CSGALNACT1: variants seen among roughly 807,000 people sequenced by gnomAD.
CSGALNACT1 encodes beta4GalNAcT-1.
Under a neutral mutation model 51.0 loss-of-function variants are expected in CSGALNACT1, and 52 were observed. The observed-to-expected ratio is 1.02, with a 90% CI of 0.82 to 1.29. CSGALNACT1 has a LOEUF of 1.29. Ranked by LOEUF, CSGALNACT1 falls within the 50% of genes most tolerant of loss-of-function variation. The pLI, the probability that CSGALNACT1 is intolerant of heterozygous loss-of-function variation, is 0.00. For missense variants in CSGALNACT1, 935 were observed against 679.2 expected (o/e 1.38, Z -4.19); for synonymous variants, 341 against 254.4 (o/e 1.34, Z -3.24).
chr8:19,416,961 C>G (rs1358696405), intron 8 of CSGALNACT1, among the ~76,000 whole-genome samples: 1 of 151,978 alleles, frequency 6.6e-6, no homozygotes. Flanking sequence ...CTCCCAGGCT[C>G]AAGCGATTTT....
intron 3 of CSGALNACT1, among the ~76,000 whole-genome samples, chr8:19,588,682 T>C (rs2154130724): frequency 6.6e-6 from 1 of 152,284 alleles, no homozygotes; most frequent in Middle Eastern, 3.4e-3. Context: ...CAAATAAATA[T>C]CAAGTTAATT....
chr8:19,619,716 C>A (rs544805799), intron 1 of CSGALNACT1, among the ~76,000 whole-genome samples: 4 of 152,128 alleles, frequency 2.6e-5, no homozygotes, highest in African/African-American at 9.7e-5. Flanking sequence ...TGAACACATT[C>A]GTGTCACAAT....
chr8:19,445,121 C>A (rs934444309), intron 5 of CSGALNACT1, among the ~76,000 whole-genome samples: 6 of 152,140 alleles, frequency 3.9e-5, no homozygotes, highest in African/African-American at 1.4e-4. Flanking sequence ...TGTTTTGAAA[C>A]CAGGAGCTCC....
intron 4 of CSGALNACT1, among the ~76,000 whole-genome samples, chr8:19,494,048 G>A (rs991796171): frequency 3.3e-5 from 5 of 152,126 alleles, no homozygotes; most frequent in African/African-American, 4.8e-5. Context: ...ATCTAGCCAC[G>A]ACATTTAAAA....
At chr8:19,549,222 G>A (rs369934959) in intron 3 of CSGALNACT1, among the ~76,000 whole-genome samples, 73 of 151,618 alleles carry the variant, frequency 4.8e-4, no homozygotes, top group Middle Eastern at 6.8e-3. Context: ...CTCTCCCCTC[G>A]AAAATCCAAT....
At chr8:19,713,029 T>C (rs1425537867) in intron 1 of CSGALNACT1, among the ~76,000 whole-genome samples, 1 of 152,220 alleles carries the variant, frequency 6.6e-6, no homozygotes, top group Non-Finnish European at 1.5e-5. Flanking sequence ...TCTCTCTTCC[T>C]CCCATCTTTC....
At chr8:19,741,494 C>T (rs978287476) in intron 1 of CSGALNACT1, among the ~76,000 whole-genome samples, 10 of 140,922 alleles carry the variant, frequency 7.1e-5, no homozygotes, top group African/African-American at 2.4e-4. Flanking sequence ...AGCCGGGAAG[C>T]GGAGGTTGCA....
intron 6 of CSGALNACT1, among the ~76,000 whole-genome samples, chr8:19,430,823 G>A (rs932674604): frequency 6.6e-5 from 10 of 152,088 alleles, no homozygotes. Flanking sequence ...AACATGGGAT[G>A]TCTTTCCATT....
At chr8:19,616,652 G>A (rs1029089655) in intron 1 of CSGALNACT1, among the ~76,000 whole-genome samples, 3 of 152,074 alleles carry the variant, frequency 2.0e-5, no homozygotes, top group Admixed American at 6.5e-5. Flanking sequence ...AGATCTGGTT[G>A]TTTAAAAGTG....
At chr8:19,452,081 A>T (rs868103462) in intron 5 of CSGALNACT1, among the ~76,000 whole-genome samples, 1 of 152,232 alleles carries the variant, frequency 6.6e-6, no homozygotes, top group South Asian at 2.1e-4. Context: ...TAAATGACCA[A>T]TGAGGGAGAC....
intron 6 of CSGALNACT1, among the ~76,000 whole-genome samples, chr8:19,436,174 T>A (rs187475500): frequency 1.1e-3 from 175 of 152,344 alleles, no homozygotes; most frequent in Non-Finnish European, 1.0e-3. Flanking sequence ...TAAAAAGATA[T>A]TAAAGTACAT....
intron 1 of CSGALNACT1, among the ~76,000 whole-genome samples, chr8:19,740,550 G>A (rs1181071846): frequency 1.3e-5 from 2 of 152,144 alleles, no homozygotes; most frequent in Non-Finnish European, 2.9e-5. Flanking sequence ...CCTGGTGTTT[G>A]GATATTTCAT....
At position 19,674,950 on chromosome 8, in the gene CSGALNACT1, A is replaced by T. The variant is rs574247515; in HGVS notation, c.-544+7523T>A. ...GAAAGCAGGGCATTGCCCATCTTGA[A>T]GTCGGGGAAGACCAAGGCAGGAGGT... On this transcript the variant is annotated intron_variant, in intron 1 of 9. Coordinates refer to the CSGALNACT1 transcript ENST00000332246. Among the ~76,000 whole-genome samples, 15 of 152,302 alleles carry T rather than the reference A, an allele frequency of 9.8e-5. No homozygotes were observed. The South Asian group carries it at 1.2e-3, about 13-fold the overall frequency.
chr8:19,490,589 C>G lies in CSGALNACT1; in HGVS notation c.634+14612G>C, dbSNP rs547947254. Reference sequence around the variant, plus strand: ...TGCGAAACCACCTTTTCTGCAGAGCCAACTGATAAATCCACACCAGCTTAG... The same window carrying G: ...TGCGAAACCACCTTTTCTGCAGAGCGAACTGATAAATCCACACCAGCTTAG... On this transcript the variant is annotated intron_variant, in intron 4 of 9. Coordinates refer to ENST00000454498, the Ensembl canonical transcript of CSGALNACT1. Among the ~76,000 whole-genome samples, 17 of 152,272 alleles carry G rather than the reference C, an allele frequency of 1.1e-4. No individual in the cohort carries two copies. In the East Asian group the frequency reaches 2.9e-3, roughly 26 times the overall value.
chr8:19,531,498 A>C (rs1466853593), intron 3 of CSGALNACT1, among the ~76,000 whole-genome samples: 1 of 152,184 alleles, frequency 6.6e-6, no homozygotes, highest in Non-Finnish European at 1.5e-5. Context: ...AATACTATCA[A>C]AATTTACAAT....
At chr8:19,427,896 G>A (rs1229121876) in intron 6 of CSGALNACT1, among the ~76,000 whole-genome samples, 1 of 152,176 alleles carries the variant, frequency 6.6e-6, no homozygotes, top group Non-Finnish European at 1.5e-5. Context: ...GGCAAGTGAG[G>A]AAGGGAAGCC....
chr8:19,507,385 C>A (rs1194284431), intron 3 of CSGALNACT1, among the ~76,000 whole-genome samples: 2 of 151,980 alleles, frequency 1.3e-5, no homozygotes, highest in Non-Finnish European at 2.9e-5. Context: ...AATGAGAAGC[C>A]AGTCTGCCTG....
intron 1 of CSGALNACT1, among the ~76,000 whole-genome samples, chr8:19,624,427 G>A (rs1480114196): frequency 6.6e-6 from 1 of 152,030 alleles, no homozygotes; most frequent in African/African-American, 2.4e-5. Flanking sequence ...AAAGCATTTA[G>A]AACATAGAAC....
chr8:19,597,960 C>G (rs572458848), intron 2 of CSGALNACT1, among the ~76,000 whole-genome samples: 1 of 152,314 alleles, frequency 6.6e-6, no homozygotes, highest in South Asian at 2.1e-4. Context: ...ACACAATGGC[C>G]CAGCCCCATC....
Sources: allele counts gnomAD v4.1 joint callset (sites outside exome capture counted in the v4.1 genomes callset), GRCh38; gene constraint gnomAD v4.1.1; transcripts MANE v1.5; gene names NCBI Gene and HGNC (gene_info 2026-07-23, HGNC 2026-07-21).